The following ADORA1 variants were observed in gnomAD, a reference collection of about 807,000 sequenced individuals.
ADORA1 encodes adenosine receptor A1.
Under a neutral mutation model 19.9 loss-of-function variants are expected in ADORA1, and 6 were observed. The observed-to-expected ratio is 0.30, with a 90% confidence interval of 0.17 to 0.59. The LOEUF (loss-of-function observed/expected upper bound fraction) is 0.59, where lower values mean the gene tolerates loss of function less well. Ranked by LOEUF, ADORA1 falls within the 20% of genes least tolerant of loss-of-function variation. The probability of loss-of-function intolerance (pLI) is 0.87; values close to 1 mark genes in which losing one functional copy is unlikely to be tolerated. For missense variants in ADORA1, 302 were observed against 439.2 expected, an observed-to-expected ratio of 0.69 and a Z score of 2.79; for synonymous variants, 194 against 188.4, an observed-to-expected ratio of 1.03 and a Z score of -0.24.
At chr1:203,131,842 A>G (rs1331083564) in intron 3 of ADORA1, among the ~76,000 whole-genome samples, 1 of 151,688 alleles carries the variant, frequency 6.6e-6, no homozygotes, top group Non-Finnish European at 1.5e-5. Context: ...GGTCTACGAA[A>G]CTCCTCTTGG....
chr1:203,129,053 T>A lies in ADORA1; in HGVS notation c.212T>A (p.Ile71Asn). The A allele has an allele frequency of 6.2e-7, 1 of 1,614,098 alleles. No individual in the cohort carries two copies. Among genetic ancestry groups the A allele is most frequent in the Non-Finnish European group, 8.5e-7 (1 of 1,180,012 alleles). ...ATCCCCCTCGCCATCCTCATCAACA[T>A]TGGGCCACAGACCTACTTCCACACC... ...LVIPLAILIN[I>N]GPQTYFHTCL... is the part of the protein sequence containing the mutation. Residue 71 changes from isoleucine to asparagine, a missense_variant, in exon 3 of 4, where the codon ATT becomes AAT. By Grantham distance (149) the Ile-to-Asn change is moderately radical. Coordinates refer to ENST00000337894, the MANE Select transcript of ADORA1 (RefSeq NM_000674.3).
At chr1:203,144,285 G>A (rs1654793920) in intron 3 of ADORA1, among the ~76,000 whole-genome samples, 1 of 152,158 alleles carries the variant, frequency 6.6e-6, no homozygotes, top group South Asian at 2.1e-4. Context: ...TGAGCAATTT[G>A]AAAGTGGGGT....
At chr1:203,141,291 G>T (rs1654678957) in intron 3 of ADORA1, among the ~76,000 whole-genome samples, 1 of 152,258 alleles carries the variant, frequency 6.6e-6, no homozygotes, top group Non-Finnish European at 1.5e-5. Flanking sequence ...TTGCACTGCA[G>T]TTGGCAGGGT....
intron 3 of ADORA1, among the ~76,000 whole-genome samples, chr1:203,163,097 A>G (rs1655422120): frequency 6.6e-6 from 1 of 152,218 alleles, no homozygotes; most frequent in South Asian, 2.1e-4. Context: ...ACACATTGAG[A>G]TGGTCAGGAA....
chr1:203,159,209 G>T (rs1336570304), intron 3 of ADORA1, among the ~76,000 whole-genome samples: 1 of 152,316 alleles, frequency 6.6e-6, no homozygotes, highest in Admixed American at 6.5e-5. Flanking sequence ...CCTCCTGCTG[G>T]TTTTCTTGCC....
chr1:203,164,981 G>C (rs1373267054), intron 3 of ADORA1: 2 of 1,504,156 alleles, frequency 1.3e-6, no homozygotes, highest in African/African-American at 2.8e-5. Flanking sequence ...TCATTTCCTT[G>C]AAATTCATAA....
intron 3 of ADORA1, among the ~76,000 whole-genome samples, chr1:203,136,814 C>G (rs1282526895): frequency 6.6e-6 from 1 of 152,236 alleles, no homozygotes; most frequent in Non-Finnish European, 1.5e-5. Context: ...GCTGATTTGT[C>G]CCTACACCGG....
chr1:203,129,494 A>T (rs1654265816), intron 3 of ADORA1: 1 of 383,684 alleles, frequency 2.6e-6, no homozygotes, highest in South Asian at 3.8e-5. Context: ...TGGAAGAGCC[A>T]CTAAGATGGG....
At chr1:203,150,507 G>A (rs1044398686) in intron 3 of ADORA1, 2 of 863,484 alleles carry the variant, frequency 2.3e-6, no homozygotes, top group Non-Finnish European at 3.1e-6. Context: ...TACCAGGAGG[G>A]TCAATGGAAA....
intron 3 of ADORA1, among the ~76,000 whole-genome samples, chr1:203,132,038 T>C (rs970420491): frequency 6.6e-6 from 1 of 152,234 alleles, no homozygotes; most frequent in African/African-American, 2.4e-5. Context: ...ATTTTCTTTC[T>C]TTCTACTTGG....
At chr1:203,137,980 T>G (rs1428209393) in intron 3 of ADORA1, among the ~76,000 whole-genome samples, 1 of 152,234 alleles carries the variant, frequency 6.6e-6, no homozygotes, top group African/African-American at 2.4e-5. Context: ...ATGGGACTTT[T>G]CCCCTCATTG....
At chr1:203,148,770 C>T (rs1367268139) in intron 3 of ADORA1, among the ~76,000 whole-genome samples, 2 of 152,220 alleles carry the variant, frequency 1.3e-5, no homozygotes, top group Non-Finnish European at 2.9e-5. Flanking sequence ...TGTTCCCCCA[C>T]GTGCCCTCTG....
chr1:203,139,168 A>G (rs568926908), intron 3 of ADORA1, among the ~76,000 whole-genome samples: 2 of 152,312 alleles, frequency 1.3e-5, no homozygotes, highest in East Asian at 1.9e-4. Context: ...TTGTGTGCTG[A>G]CAGAAATGAT....
chr1:203,154,519 G>T (rs991320388), intron 3 of ADORA1, among the ~76,000 whole-genome samples: 2 of 152,158 alleles, frequency 1.3e-5, no homozygotes, highest in African/African-American at 4.8e-5. Context: ...GTGAGGAGGC[G>T]GTGATCCCGG....
At chr1:203,141,956 T>C (rs1183548807) in intron 3 of ADORA1, among the ~76,000 whole-genome samples, 2 of 152,202 alleles carry the variant, frequency 1.3e-5, no homozygotes, top group Non-Finnish European at 2.9e-5. Context: ...GACACTCTAA[T>C]GAACTGAAGG....
chr1:203,139,748 G>C (rs926113282), intron 3 of ADORA1, among the ~76,000 whole-genome samples: 1 of 152,212 alleles, frequency 6.6e-6, no homozygotes, highest in African/African-American at 2.4e-5. Flanking sequence ...CAGGGAGCGA[G>C]AGCCCATGGA....
At position 203,128,122 on chromosome 1, in the gene ADORA1, G is replaced by A. The variant is rs1324159314; in HGVS notation, c.-212-156G>A. Among the ~76,000 whole-genome samples the A allele has an allele frequency of 6.6e-6, 1 of 152,184 alleles. No individual in the cohort carries two copies. The highest frequency in any genetic ancestry group is 2.4e-5 in the African/African-American group (1 of 41,452). On this transcript the variant is annotated intron_variant, in intron 1 of 3. Coordinates refer to ENST00000337894, the MANE Select transcript of ADORA1 (RefSeq NM_000674.3). This position sits in a 1 kb window ranked among gnomAD's most constrained non-coding sequence, Gnocchi z 5.9. ...GTGGGTGGGCGCAGGGCAGGTGCGGGCACGCTGGGGAATAGGGAGAAACGC... is the reference window on the plus strand; with the variant it reads ...GTGGGTGGGCGCAGGGCAGGTGCGGACACGCTGGGGAATAGGGAGAAACGC...
At position 203,165,064 on chromosome 1, in the gene ADORA1, GC is replaced by G. The variant is rs1655494689; in HGVS notation, c.342-195del. The G allele has an allele frequency of 1.3e-6, 2 of 1,550,444 alleles. No homozygotes were observed. Among genetic ancestry groups the G allele is most frequent in the African/African-American group, 1.4e-5 (1 of 73,030 alleles). On this transcript the variant is annotated intron_variant, in intron 3 of 3. Coordinates refer to ENST00000337894, the MANE Select transcript of ADORA1 (RefSeq NM_000674.3). This position sits in a 1 kb window ranked among gnomAD's most constrained non-coding sequence, Gnocchi z 5.9. ...ATTTCCTCTCTCTGTAGGAGAATAA[GC>G]CAATGCATGGCAAGCACTAAATCTT...
In ADORA1 at chr1:203,165,931, C is replaced by G; in HGVS notation, c.*31C>G. 1 of 1,525,212 alleles carries G rather than the reference C, an allele frequency of 6.6e-7. No individual in the cohort carries two copies. Among genetic ancestry groups the G allele is most frequent in the Non-Finnish European group, 8.8e-7 (1 of 1,137,654 alleles). The allele number at this position is 1,525,212 out of a possible 1,614,324, so 94.5% of individuals were successfully genotyped here. A position where few individuals can be genotyped will look rare whatever the true frequency, so the allele number is the denominator to read the frequency against. The stretch of plus-strand genomic sequence containing the variant: ...GCCTTCCGCTCCCACCAGCCCACAT[C>G]CAGTGGGGTCTCAGTCCAGTCCTCA... On this transcript the variant is annotated 3_prime_UTR_variant, in exon 4 of 4. Transcript: ENST00000337894. This position sits in a 1 kb window ranked among gnomAD's most constrained non-coding sequence, Gnocchi z 5.9.
Sources: gnomAD v4.1 joint callset for allele counts (sites outside exome capture counted in the v4.1 genomes callset) on GRCh38, gnomAD v4.1.1 for gene constraint, Gnocchi (gnomAD v3.1) non-coding constraint, MANE v1.5 for transcripts, NCBI Gene and HGNC (gene_info 2026-07-23, HGNC 2026-07-21) for gene names.